Variants in FAM13A observed in about 807,000 individuals in gnomAD.
FAM13A encodes the protein protein FAM13A.
FAM13A carries 76 observed loss-of-function variants against 129.6 expected under a neutral mutation model. The observed-to-expected ratio is 0.59, with a 90% CI of 0.49 to 0.71. FAM13A has a LOEUF of 0.71. FAM13A is among the 30% of genes least tolerant of loss of function. The pLI, the probability that FAM13A is intolerant of heterozygous loss-of-function variation, is 0.00. For synonymous variants in FAM13A, 443 were observed against 449.9 expected (o/e 0.98, Z 0.20); for missense variants, 1,108 against 1,249.3 (o/e 0.89, Z 1.70).
chr4:88,925,400 T>C (rs1411744759), intron 5 of FAM13A, among the ~76,000 whole-genome samples: 2 of 152,104 alleles, frequency 1.3e-5, no homozygotes, highest in African/African-American at 2.4e-5. Flanking sequence ...TTCACATCCT[T>C]TGTAGGGACA....
At chr4:88,841,965 G>A (rs1257985176) in intron 7 of FAM13A, among the ~76,000 whole-genome samples, 2 of 152,116 alleles carry the variant, frequency 1.3e-5, no homozygotes, top group South Asian at 2.1e-4. Context: ...GTTCATCCTA[G>A]CATTATTCAT....
At chr4:88,930,877 A>G (rs1198264619) in intron 5 of FAM13A, among the ~76,000 whole-genome samples, 1 of 152,132 alleles carries the variant, frequency 6.6e-6, no homozygotes, top group Non-Finnish European at 1.5e-5. Flanking sequence ...CGCTTATAGC[A>G]AGGTGATATG....
At chr4:88,791,534 C>T (rs775788795) in intron 8 of FAM13A, among the ~76,000 whole-genome samples, 2 of 151,996 alleles carry the variant, frequency 1.3e-5, no homozygotes, top group African/African-American at 2.4e-5. Flanking sequence ...TTTAAAAGTG[C>T]CTATCCTTTA....
At chr4:88,767,488 G>C in intron 13 of FAM13A, 65 bp downstream of exon 13, 6 of 1,157,456 alleles carry the variant, frequency 5.2e-6, no homozygotes, top group Non-Finnish European at 7.3e-6. Context: ...TAATATTTCA[G>C]AAGTACACTC....
intron 14 of FAM13A, among the ~76,000 whole-genome samples, chr4:88,758,354 G>T (rs1279679211): frequency 1.3e-5 from 2 of 152,118 alleles, no homozygotes; most frequent in Non-Finnish European, 2.9e-5. Context: ...TCATGAAAGA[G>T]GCAGGCGACT....
chr4:89,038,630 T>C (rs1212462721), intron 1 of FAM13A, among the ~76,000 whole-genome samples: 4 of 152,202 alleles, frequency 2.6e-5, no homozygotes, highest in Admixed American at 2.0e-4. Flanking sequence ...ATAACCTATG[T>C]ATTAACATAT....
chr4:88,914,629 G>A (rs1015912468), intron 5 of FAM13A, among the ~76,000 whole-genome samples: 4 of 152,122 alleles, frequency 2.6e-5, no homozygotes, highest in Admixed American at 2.0e-4. Context: ...CTTATCTAAA[G>A]TGGCTCCTCT....
chr4:88,823,280 C>A, intron 7 of FAM13A: 1 of 1,243,402 alleles, frequency 8.0e-7, no homozygotes, highest in African/African-American at 1.5e-5. Flanking sequence ...GCTGAACCAC[C>A]GGGCCAATCA....
At chr4:88,802,940 G>C (rs1225600896) in intron 8 of FAM13A, among the ~76,000 whole-genome samples, 1 of 152,142 alleles carries the variant, frequency 6.6e-6, no homozygotes, top group Non-Finnish European at 1.5e-5. Flanking sequence ...TGTCTGTTCT[G>C]ATCTGCACTC....
At chr4:88,919,389 A>G (rs1228466679) in intron 5 of FAM13A, among the ~76,000 whole-genome samples, 7 of 152,240 alleles carry the variant, frequency 4.6e-5, no homozygotes, top group African/African-American at 1.4e-4. Context: ...AACAATTATT[A>G]ATGCTCAGAA....
chr4:88,996,589 T>A (rs1291929198), intron 3 of FAM13A, among the ~76,000 whole-genome samples: 1 of 152,170 alleles, frequency 6.6e-6, no homozygotes, highest in Non-Finnish European at 1.5e-5. Context: ...ATGCCTACCC[T>A]CATGGAGCCT....
At chr4:88,967,979 C>T (rs962829608) in intron 4 of FAM13A, among the ~76,000 whole-genome samples, 2 of 152,126 alleles carry the variant, frequency 1.3e-5, no homozygotes, top group Non-Finnish European at 2.9e-5. Context: ...TTACTTTCCA[C>T]AATTACAGTC....
chr4:88,876,622 C>G (rs981441071), intron 6 of FAM13A, among the ~76,000 whole-genome samples: 1 of 151,964 alleles, frequency 6.6e-6, no homozygotes, highest in Non-Finnish European at 1.5e-5. Context: ...GACAGAGTCT[C>G]GCTCTGTCGC....
chr4:89,001,612 G>A (rs532462966), intron 3 of FAM13A, among the ~76,000 whole-genome samples: 1 of 152,258 alleles, frequency 6.6e-6, no homozygotes, highest in African/African-American at 2.4e-5. Context: ...TTGTTATGGA[G>A]TTCATACTAT....
At chr4:88,844,749 T>C (rs181255091) in intron 7 of FAM13A, among the ~76,000 whole-genome samples, 116 of 152,132 alleles carry the variant, frequency 7.6e-4, no homozygotes, top group Admixed American at 7.6e-3. Context: ...TGAGCAGGAG[T>C]GGAGTCTGTT....
intron 5 of FAM13A, among the ~76,000 whole-genome samples, chr4:88,906,683 G>A (rs566557303): frequency 6.6e-6 from 1 of 152,244 alleles, no homozygotes; most frequent in South Asian, 2.1e-4. Flanking sequence ...GGTGAGAGAT[G>A]TACAGTACAT....
intron 4 of FAM13A, among the ~76,000 whole-genome samples, chr4:88,957,061 C>T (rs959875883): frequency 6.6e-5 from 10 of 152,272 alleles, no homozygotes; most frequent in African/African-American, 9.6e-5. Context: ...TGCAGTGGCT[C>T]ACGCCTGTAA....
At chr4:88,820,676 G>A (rs1161899790) in intron 7 of FAM13A, among the ~76,000 whole-genome samples, 1 of 152,132 alleles carries the variant, frequency 6.6e-6, no homozygotes, top group African/African-American at 2.4e-5. Flanking sequence ...GTTTCTCTAC[G>A]AGTGGACCAT....
chr4:88,773,511 T>C lies in FAM13A; in HGVS notation c.1459-5452A>G, dbSNP rs959992284. ...TAATTTTCTCTGGACCTAAATCTAA[T>C]GAGGCTCTTGCCTCCATGTTGCACT... is the stretch of plus-strand genomic sequence containing the variant. On this transcript the variant is annotated intron_variant, in intron 11 of 23. Coordinates refer to ENST00000264344, the MANE Select transcript of FAM13A (RefSeq NM_014883.4). 3.3e-5 allele frequency among the ~76,000 whole-genome samples: 5 copies of C among 152,220 alleles called. No homozygotes were observed. In the South Asian group the frequency reaches 8.3e-4, roughly 25 times the overall value.
Sources: gnomAD v4.1 joint callset for allele counts (sites outside exome capture counted in the v4.1 genomes callset) on GRCh38, gnomAD v4.1.1 for gene constraint, MANE v1.5 for transcripts, NCBI Gene and HGNC (gene_info 2026-07-23, HGNC 2026-07-21) for gene names.